STAG1: variants seen among roughly 807,000 people sequenced by gnomAD.
The protein encoded by STAG1 is cohesin subunit SA-1.
A neutral mutation model predicts 170.9 loss-of-function variants in STAG1; 26 were observed. That is an observed-to-expected ratio of 0.15 (90% CI 0.11 to 0.21). The LOEUF is 0.21. Ranked by LOEUF, STAG1 falls within the 10% of genes least tolerant of loss-of-function variation. The pLI is 1.00. For synonymous variants in STAG1, 514 were observed against 497.7 expected (o/e 1.03, Z -0.44); for missense variants, 964 against 1,509.5 (o/e 0.64, Z 5.99).
At chr3:136,738,288 C>T (rs1934461024) in intron 1 of STAG1, among the ~76,000 whole-genome samples, 4 of 151,816 alleles carry the variant, frequency 2.6e-5, no homozygotes, top group Admixed American at 1.3e-4. Context: ...GTCGGGAGTT[C>T]GAGACCAGCC....
chr3:136,612,257 C>T (rs549174686), intron 3 of STAG1, among the ~76,000 whole-genome samples: 36 of 152,228 alleles, frequency 2.4e-4, no homozygotes, highest in Non-Finnish European at 3.8e-4. Flanking sequence ...TAACTGGAGT[C>T]TAACAACATG....
At position 136,523,528 on chromosome 3, in the gene STAG1, C is replaced by T. The variant is rs182243957; in HGVS notation, c.472-2111G>A. 1.9e-3 allele frequency among the ~76,000 whole-genome samples: 295 copies of T among 152,292 alleles called. 8 individuals are homozygous for T. The highest frequency in any genetic ancestry group is 0.017 in the Admixed American group (267 of 15,290). ...CCATTCTGTAGGTTGCAAAAATCTT[C>T]TCCCATTCTGTAGGTTACCTGTTCA... On this transcript the variant is annotated intron_variant, in intron 6 of 33. Coordinates refer to ENST00000383202, the MANE Select transcript of STAG1 (RefSeq NM_005862.3).
chr3:136,418,510 C>T (rs898985446), intron 20 of STAG1, among the ~76,000 whole-genome samples: 26 of 149,296 alleles, frequency 1.7e-4, no homozygotes, highest in African/African-American at 6.4e-4. Flanking sequence ...AGAGATGATT[C>T]TATGAATTTA....
intron 4 of STAG1, among the ~76,000 whole-genome samples, chr3:136,574,956 C>A (rs1937401182): frequency 6.6e-6 from 1 of 152,240 alleles, no homozygotes; most frequent in South Asian, 2.1e-4. Context: ...TAATACAGAG[C>A]AAGCTCTCTT....
At chr3:136,681,062 G>A (rs72975347) in intron 1 of STAG1, among the ~76,000 whole-genome samples, 1 of 152,132 alleles carries the variant, frequency 6.6e-6, no homozygotes, top group African/African-American at 2.4e-5. Context: ...ATTAATAATT[G>A]TTGTATTGTT....
At chr3:136,389,138 C>T (rs2086943790) in intron 22 of STAG1, among the ~76,000 whole-genome samples, 1 of 152,060 alleles carries the variant, frequency 6.6e-6, no homozygotes, top group South Asian at 2.1e-4. Flanking sequence ...ATACTTGTTA[C>T]TTAGAATTAA....
At chr3:136,520,553 T>C (rs190847170) in intron 7 of STAG1, among the ~76,000 whole-genome samples, 13 of 152,100 alleles carry the variant, frequency 8.5e-5, no homozygotes, top group Non-Finnish European at 1.6e-4. Context: ...AATAGAACAA[T>C]TGCTAAAATA....
chr3:136,507,492 A>G (rs1408513046), intron 7 of STAG1, among the ~76,000 whole-genome samples: 1 of 152,044 alleles, frequency 6.6e-6, no homozygotes, highest in Non-Finnish European at 1.5e-5. Flanking sequence ...CAGCCTCCTG[A>G]GTAGCTGGGA....
chr3:136,681,198 T>C (rs769063760), intron 1 of STAG1, among the ~76,000 whole-genome samples: 32 of 152,198 alleles, frequency 2.1e-4, no homozygotes, highest in Non-Finnish European at 4.4e-4. Flanking sequence ...GTTATGTATA[T>C]GATATGCAGG....
chr3:136,709,106 A>G (rs1943313778), intron 1 of STAG1, among the ~76,000 whole-genome samples: 3 of 151,644 alleles, frequency 2.0e-5, no homozygotes, highest in Non-Finnish European at 4.4e-5. Flanking sequence ...CCTGACCAAC[A>G]TGGTGAAACC....
In STAG1 at chr3:136,363,375, A is replaced by G; in HGVS notation, c.2778T>C (p.Ser926=). The G allele has an allele frequency of 6.3e-7, 1 of 1,588,264 alleles. No individual in the cohort carries two copies. The highest frequency in any genetic ancestry group is 2.3e-5 in the East Asian group (1 of 44,426). ...TCTCCAAATTTCTTACCTGTTGCAA[A>G]CTGAGAATGAGAGTCTTGGCACACT... ...KIQCAKTLIL[S]LQQLFNELVQ... The change falls in exon 26 of 34, where the codon AGT becomes AGC. Residue 926 remains serine (S), a synonymous_variant. Coordinates refer to ENST00000383202, the MANE Select transcript of STAG1 (RefSeq NM_005862.3).
intron 1 of STAG1, among the ~76,000 whole-genome samples, chr3:136,670,668 G>A (rs184141352): frequency 3.9e-5 from 6 of 152,074 alleles, no homozygotes; most frequent in Non-Finnish European, 7.4e-5. Flanking sequence ...CCAAGGTTTC[G>A]CTATGTTGGC....
At chr3:136,542,640 A>G (rs1360821730) in intron 5 of STAG1, among the ~76,000 whole-genome samples, 5 of 150,708 alleles carry the variant, frequency 3.3e-5, no homozygotes, top group Admixed American at 2.0e-4. Context: ...AATGAATGTA[A>G]AAGGTTATCC....
chr3:136,670,746 A>T (rs899248560), intron 1 of STAG1, among the ~76,000 whole-genome samples: 1 of 151,938 alleles, frequency 6.6e-6, no homozygotes, highest in African/African-American at 2.4e-5. Flanking sequence ...TGCTGGGATT[A>T]CAGGTCTGAG....
In STAG1 at chr3:136,475,710, G is replaced by A. The variant is rs1308464978; in HGVS notation, c.1026+1579C>T. The stretch of plus-strand genomic sequence containing the variant: ...GGATTTTCACTTTTAGTTGAAAGTG[G>A]ATGTGCATTAACTTGTACAACATTT... On this transcript the variant is annotated intron_variant, in intron 10 of 33. Transcript: ENST00000383202. Among the ~76,000 whole-genome samples, 3 of 152,272 alleles carry A rather than the reference G, an allele frequency of 2.0e-5. No individual in the cohort carries two copies. In the East Asian group the frequency reaches 5.8e-4, roughly 29 times the overall value.
intron 3 of STAG1, among the ~76,000 whole-genome samples, chr3:136,608,608 AG>A (rs1939082404): frequency 1.3e-5 from 2 of 149,214 alleles, no homozygotes; most frequent in South Asian, 4.3e-4. Context: ...TGATCCCAGG[AG>A]TTCCAGACCA....
At chr3:136,740,572 C>T (rs1352219746) in intron 1 of STAG1, among the ~76,000 whole-genome samples, 1 of 152,150 alleles carries the variant, frequency 6.6e-6, no homozygotes, top group East Asian at 1.9e-4. Context: ...CCTTGACCTC[C>T]TGGGCTCAAA....
At chr3:136,349,487 A>G in intron 28 of STAG1, 124 bp from the exon 29 acceptor site, 1 of 693,436 alleles carries the variant, frequency 1.4e-6, no homozygotes, top group East Asian at 2.7e-5. Flanking sequence ...ACATTAAACT[A>G]TTAACAGTGG....
intron 25 of STAG1, 91 bp downstream of exon 25, chr3:136,366,852 G>T: frequency 9.3e-7 from 1 of 1,070,280 alleles, no homozygotes; most frequent in Non-Finnish European, 1.3e-6. Flanking sequence ...TAGGTGAAAA[G>T]CTGTCAATTT....
Sources: gnomAD v4.1 joint callset for allele counts (sites outside exome capture counted in the v4.1 genomes callset) on GRCh38, gnomAD v4.1.1 for gene constraint, MANE v1.5 for transcripts, NCBI Gene and HGNC (gene_info 2026-07-23, HGNC 2026-07-21) for gene names.